MOK: variants seen among roughly 807,000 people sequenced by gnomAD.
MOK encodes MOK protein kinase.
In MOK, 59 loss-of-function variants were observed where a neutral mutation model predicts 54.2. The ratio of observed to expected loss-of-function variants is 1.09; its 90% CI spans 0.88 to 1.35. The LOEUF (loss-of-function observed/expected upper bound fraction) is 1.35. MOK is among the 40% of genes most tolerant of loss of function. The probability of loss-of-function intolerance (pLI) is 0.00; values close to 1 mark genes in which losing one functional copy is unlikely to be tolerated. For synonymous variants in MOK, 210 were observed against 202.7 expected (o/e 1.04, Z -0.31); for missense variants, 517 against 526.2 (o/e 0.98, Z 0.17).
chr14:102,283,405 C>T, intron 2 of MOK, 73 bp downstream of exon 2: 1 of 899,038 alleles, frequency 1.1e-6, no homozygotes, highest in African/African-American at 1.7e-5. Context: ...AAAGCTCCCC[C>T]CTAATATTAA....
Position 102,231,705 on chromosome 14 carries a change from AC to A in MOK, c.981+1del, listed in dbSNP as rs1418534894. 4.3e-6 allele frequency: 7 copies of A among 1,610,532 alleles called. 1 individual carries two copies. In the South Asian group the frequency reaches 7.7e-5, roughly 18 times the overall value. Reference sequence around the variant, plus strand: ...GTCTCCGGCTCCGATTTCGCTTAGTACCTGCTTTCTGCCCTCCTTGGAAATC... The same window carrying A: ...GTCTCCGGCTCCGATTTCGCTTAGTACTGCTTTCTGCCCTCCTTGGAAATC... On this transcript the variant is annotated splice_donor_variant, in intron 10 of 11. Transcript: ENST00000361847. LOFTEE classifies it high-confidence loss of function. This position sits in a 1 kb window ranked among gnomAD's most constrained non-coding sequence, Gnocchi z 4.4.
chr14:102,228,906 C>A lies in MOK; in HGVS notation c.*383G>T. 1 of 220,492 alleles carries A rather than the reference C, an allele frequency of 4.5e-6. No homozygotes were observed. The highest frequency in any genetic ancestry group is 8.9e-6 in the Non-Finnish European group (1 of 112,520). The allele number at this position is 220,492 out of a possible 1,614,324, so 13.7% of individuals were successfully genotyped here. ...CAGCGTCACTGGTAAGACATGATGGCGCTCCACGACTGACCAGCAGCGCTG... is the reference window on the plus strand; with the variant it reads ...CAGCGTCACTGGTAAGACATGATGGAGCTCCACGACTGACCAGCAGCGCTG... On this transcript the variant is annotated 3_prime_UTR_variant, in exon 12 of 12. Coordinates refer to ENST00000361847, the MANE Select transcript of MOK (RefSeq NM_014226.3).
chr14:102,300,894 C>CT lies in MOK; in HGVS notation c.7+4067dup, dbSNP rs758874899. Among the ~76,000 whole-genome samples, 186 of 152,250 alleles carry CT rather than the reference C, an allele frequency of 1.2e-3. 1 individual carries two copies. Among genetic ancestry groups the CT allele is most frequent in the Middle Eastern group, 3.4e-3 (1 of 294 alleles). ...GGTGGATCACCTGAGGTCAGGAGTT[C>CT]TTGACCAGCCTGAACAACATGGTGA... On this transcript the variant is annotated intron_variant, in intron 1 of 11. Coordinates refer to ENST00000361847, the MANE Select transcript of MOK (RefSeq NM_014226.3).
At chr14:102,243,252 T>C (rs2153100138) in intron 7 of MOK, among the ~76,000 whole-genome samples, 1 of 152,208 alleles carries the variant, frequency 6.6e-6, no homozygotes, top group East Asian at 1.9e-4. Context: ...ACCACATAGA[T>C]CCTAAATCCT....
At chr14:102,224,745 C>T (rs911335155), downstream of MOK, 21 of 455,918 alleles carry the variant, frequency 4.6e-5, 1 homozygote, top group Admixed American at 1.4e-4. Flanking sequence ...CACTCGAAGG[C>T]GCCAGCAGGG....
At chr14:102,252,471 T>C (rs1176419300) in intron 4 of MOK, among the ~76,000 whole-genome samples, 1 of 152,004 alleles carries the variant, frequency 6.6e-6, no homozygotes, top group East Asian at 1.9e-4. Flanking sequence ...AAAAAATCTA[T>C]ATAATGGCAT....
chr14:102,242,683 T>G (rs2065809791), intron 7 of MOK, among the ~76,000 whole-genome samples: 1 of 152,052 alleles, frequency 6.6e-6, no homozygotes, highest in Admixed American at 6.6e-5. Context: ...GCCTATAAAC[T>G]CTCCTTACAA....
chr14:102,268,596 T>TC (rs2068094286), intron 2 of MOK, among the ~76,000 whole-genome samples: 2 of 152,052 alleles, frequency 1.3e-5, no homozygotes, highest in Admixed American at 1.3e-4. Context: ...CAAATTATGA[T>TC]CACCAGGACT....
chr14:102,273,598 C>T (rs2068583017), intron 2 of MOK, among the ~76,000 whole-genome samples: 1 of 151,920 alleles, frequency 6.6e-6, no homozygotes, highest in African/African-American at 2.4e-5. Flanking sequence ...GCCAACATGA[C>T]AAAACCCTGT....
intron 1 of MOK, among the ~76,000 whole-genome samples, chr14:102,288,207 G>A (rs1033839627): frequency 2.0e-5 from 3 of 152,152 alleles, no homozygotes; most frequent in Non-Finnish European, 2.9e-5. Context: ...AAACAAAAAC[G>A]TATGTCCAAA....
intron 1 of MOK, among the ~76,000 whole-genome samples, chr14:102,289,599 C>A (rs967530715): frequency 6.6e-6 from 1 of 152,138 alleles, no homozygotes; most frequent in Admixed American, 6.6e-5. Context: ...AAGAGATTCT[C>A]GTGCCTCAGC....
chr14:102,218,459 T>C, the MOK span, among the ~76,000 whole-genome samples: 3 of 152,216 alleles, frequency 2.0e-5, no homozygotes, highest in African/African-American at 4.8e-5. Flanking sequence ...GCCCTCACAG[T>C]CCTATCTGGC....
intron 7 of MOK, among the ~76,000 whole-genome samples, chr14:102,241,625 T>G (rs1020602400): frequency 1.2e-4 from 18 of 146,692 alleles, no homozygotes; most frequent in African/African-American, 4.4e-4. Flanking sequence ...TTATTCTCAA[T>G]AGGCATTTTA....
intron 2 of MOK, chr14:102,278,751 C>T (rs188256277): frequency 2.2e-6 from 1 of 456,036 alleles, no homozygotes; most frequent in East Asian, 6.9e-5. Context: ...TTCAATGACA[C>T]ATGCATATAA....
intron 2 of MOK, among the ~76,000 whole-genome samples, chr14:102,269,958 A>G (rs1022005585): frequency 5.3e-5 from 8 of 152,238 alleles, no homozygotes; most frequent in Admixed American, 3.9e-4. Context: ...CAGTATATTC[A>G]ACAACTGTAT....
intron 7 of MOK, chr14:102,237,905 T>A (rs1012434488): frequency 2.0e-5 from 3 of 152,186 alleles, no homozygotes; most frequent in African/African-American, 7.2e-5. Context: ...CTACAGGATC[T>A]CCTCTCCTCC....
At chr14:102,224,377 G>C, downstream of MOK, 1 of 352,720 alleles carries the variant, frequency 2.8e-6, no homozygotes, top group Non-Finnish European at 5.5e-6. Context: ...AAACCAGCTC[G>C]TGAGCATCTG....
In MOK at chr14:102,231,830, A is replaced by T. The variant is rs1597245795; in HGVS notation, c.867-9T>A. The T allele has an allele frequency of 6.2e-7, 1 of 1,609,488 alleles. No homozygotes were observed. The highest frequency in any genetic ancestry group is 1.7e-5 in the Admixed American group (1 of 59,914). On this transcript the variant is annotated splice_polypyrimidine_tract_variant and intron_variant, in intron 9 of 11. Coordinates refer to ENST00000361847, the MANE Select transcript of MOK (RefSeq NM_014226.3). This position sits in a 1 kb window ranked among gnomAD's most constrained non-coding sequence, Gnocchi z 4.4. ...CCCGCTTCTCTGTTTTCCTACGGGGAAGGAGAAGAGAATGGAGCAGCTCCA... is the reference window on the plus strand; with the variant it reads ...CCCGCTTCTCTGTTTTCCTACGGGGTAGGAGAAGAGAATGGAGCAGCTCCA...
At chr14:102,222,554 A>G (rs1051906666), downstream of MOK, among the ~76,000 whole-genome samples, 18 of 151,944 alleles carry the variant, frequency 1.2e-4, no homozygotes, top group African/African-American at 4.4e-4. The surrounding 1 kb of genome is among the most constrained non-coding windows in gnomAD (Gnocchi z 4.4). Context: ...CTGAGAAACC[A>G]CTGTCTCCCC....
Sources: allele counts gnomAD v4.1 joint callset (sites outside exome capture counted in the v4.1 genomes callset), GRCh38; gene constraint gnomAD v4.1.1; non-coding constraint Gnocchi (gnomAD v3.1); transcripts MANE v1.5; gene names NCBI Gene and HGNC (gene_info 2026-07-23, HGNC 2026-07-21).